Variants in CSF3R observed in about 807,000 individuals in gnomAD.
CSF3R encodes colony stimulating factor 3 receptor.
A neutral mutation model predicts 84.4 loss-of-function variants in CSF3R; 52 were observed. The ratio of observed to expected loss-of-function variants is 0.62; its 90% confidence interval spans 0.49 to 0.78. The LOEUF (loss-of-function observed/expected upper bound fraction) is 0.78, where lower values mean the gene tolerates loss of function less well. Ranked by LOEUF, CSF3R falls within the 30% of genes least tolerant of loss-of-function variation. CSF3R has a pLI of 0.00. For synonymous variants in CSF3R, 384 were observed against 429.1 expected (o/e 0.89, Z 1.30); for missense variants, 890 against 1,055.7 (o/e 0.84, Z 2.17).
chr1:36,470,607 C>G (rs144060134), intron 10 of CSF3R, among the ~76,000 whole-genome samples: 351 of 152,316 alleles, frequency 2.3e-3, no homozygotes, highest in African/African-American at 7.9e-3. Flanking sequence ...TGTCTAAGAT[C>G]ACACAGCTAG....
intron 1 of CSF3R, among the ~76,000 whole-genome samples, chr1:36,482,320 C>T (rs1028253009): frequency 2.0e-5 from 3 of 150,936 alleles, no homozygotes; most frequent in Admixed American, 6.6e-5. Context: ...GGGGGGCACT[C>T]GGAGGCCTGG....
chr1:36,473,357 CT>C, intron 6 of CSF3R, 77 bp downstream of exon 6: 9 of 1,525,832 alleles, frequency 5.9e-6, no homozygotes, highest in Non-Finnish European at 7.2e-6. Context: ...TTGTCTGTCG[CT>C]AGTTCTGTGT....
Position 36,472,085 on chromosome 1 carries a change from G to C in CSF3R, c.1052C>G (p.Thr351Arg). The C allele has an allele frequency of 6.2e-7, 1 of 1,613,674 alleles. No individual in the cohort carries two copies. The highest frequency in any genetic ancestry group is 8.5e-7 in the Non-Finnish European group (1 of 1,180,040). ...AGTCACCTTCCAGAACAGCTGCACT[G>C]TCCTGGGGTCCAGCTGCCTCTGCCG... ...WWRQRQLDPR[T>R]VQLFWKPVPL... is the part of the protein sequence containing the mutation. The change falls in exon 9 of 17, where the codon ACA becomes AGA. Residue 351 changes from threonine to arginine, a missense_variant. Transcript: ENST00000373106. This position sits in a 1 kb window ranked among gnomAD's most constrained non-coding sequence, Gnocchi z 5.0.
intron 12 of CSF3R, 57 bp downstream of exon 12, chr1:36,469,099 C>A (rs1457076790): frequency 3.8e-5 from 48 of 1,279,456 alleles, no homozygotes; most frequent in Non-Finnish European, 4.8e-5. Context: ...GGGGACCAGG[C>A]AGAGCCTTGG....
rs189911127 is a variant in CSF3R at position 36,467,741 on chromosome 1, C to A, written c.1864+81G>T. ...CGACCAGGGGATTCAAAGTCAGTCC[C>A]CAGCTACTCTCAAAATCAGCATCCT... On this transcript the variant is annotated intron_variant, in intron 14 of 16. Transcript: ENST00000373106. This position sits in a 1 kb window ranked among gnomAD's most constrained non-coding sequence, Gnocchi z 4.1. The A allele has an allele frequency of 2.9e-4, 472 of 1,613,304 alleles. 2 individuals are homozygous for A. The highest frequency in any genetic ancestry group is 3.1e-4 in the Non-Finnish European group (367 of 1,179,214).
Position 36,472,693 on chromosome 1 carries a change from G to A in CSF3R, c.674-7C>T, listed in dbSNP as rs1226066140. On this transcript the variant is annotated splice_polypyrimidine_tract_variant and splice_region_variant and intron_variant, in intron 6 of 16. Coordinates refer to ENST00000373106, the MANE Select transcript of CSF3R (RefSeq NM_000760.4). The surrounding 1 kb of genome is among the most constrained non-coding windows in gnomAD (Gnocchi z 5.0). ...ATGGGGGGCTCCAGTTTCACTGCAA[G>A]GAGTGGGGCTGTCAGAAGGTCTCCC... is the stretch of plus-strand genomic sequence containing the variant. The A allele has an allele frequency of 6.3e-7, 1 of 1,586,972 alleles. No individual in the cohort carries two copies.
chr1:36,475,453 A>G lies in CSF3R; in HGVS notation c.285T>C (p.Thr95=), dbSNP rs756242246. Reference sequence around the variant, plus strand: ...TCAGGCAGCAGGAGAGAAAGGCCTGAGTGTGGTTGAGGTGGGGCAGGGTGA... The same window carrying G: ...TCAGGCAGCAGGAGAGAAAGGCCTGGGTGTGGTTGAGGTGGGGCAGGGTGA... ...SIITLPHLNH[T]QAFLSCCLNW... is the part of the protein sequence containing the mutation. Residue 95 remains threonine, a synonymous_variant, in exon 4 of 17, where the codon ACT becomes ACC. Transcript: ENST00000373106. 6 of 1,614,006 alleles carry G rather than the reference A, an allele frequency of 3.7e-6. No individual in the cohort carries two copies. Among genetic ancestry groups the G allele is most frequent in the Non-Finnish European group, 5.1e-6 (6 of 1,180,024 alleles).
chr1:36,471,688 C>G, intron 9 of CSF3R, 42 bp from the exon 10 acceptor site: 1 of 1,601,162 alleles, frequency 6.2e-7, no homozygotes, highest in South Asian at 1.1e-5. Context: ...ATGTGCAGCT[C>G]ATCTTGAGTC....
Position 36,469,727 on chromosome 1 carries a change from G to T in CSF3R, c.1399C>A (p.Pro467Thr), listed in dbSNP as rs538923210. 5.0e-6 allele frequency: 8 copies of T among 1,614,182 alleles called. No homozygotes were observed. The Admixed American group carries it at 6.7e-5, about 13-fold the overall frequency. Residue 467 changes from proline (P) to threonine (T), a missense_variant, in exon 11 of 17, where the codon CCC (proline) becomes ACC (threonine). Transcript: ENST00000373106. ...QGYVIEWGLG[P>T]PSASNSNKTW... ...TTGTTGCTATTGCTCGCGCTGGGGG[G>T]GCCCAGGCCCCACTCAATCACATAG...
chr1:36,471,601 C>G lies in CSF3R; in HGVS notation c.1117G>C (p.Val373Leu), dbSNP rs1229194976. The G allele has an allele frequency of 2.5e-6, 4 of 1,614,230 alleles. No homozygotes were observed. Among genetic ancestry groups the G allele is most frequent in the Non-Finnish European group, 3.4e-6 (4 of 1,180,044 alleles). The change falls in exon 10 of 17, where the codon GTT becomes CTT. Residue 373 changes from valine (V) to leucine (L), a missense_variant. By Grantham distance (32) the Val-to-Leu change is conservative (BLOSUM62 1). Transcript: ENST00000373106. ...GCCTGGCCTGAGGGTCTCCAAGAAACCACATAACCTTGGATCCGTCCGCTG... is the reference window on the plus strand; with the variant it reads ...GCCTGGCCTGAGGGTCTCCAAGAAAGCACATAACCTTGGATCCGTCCGCTG... ...EDSGRIQGYV[V>L]SWRPSGQAGA...
At chr1:36,474,578 G>C (rs1256573419) in intron 4 of CSF3R, among the ~76,000 whole-genome samples, 1 of 152,028 alleles carries the variant, frequency 6.6e-6, no homozygotes, top group East Asian at 1.9e-4. Context: ...GGCTCCCAAA[G>C]TGCTGGGATT....
At chr1:36,479,576 T>G (rs1166947289) in intron 2 of CSF3R, 60 bp from the exon 3 acceptor site, 18 of 1,339,118 alleles carry the variant, frequency 1.3e-5, no homozygotes, top group Non-Finnish European at 1.8e-5. Flanking sequence ...ATCTTAATCC[T>G]TGTCTGTCAC....
chr1:36,467,709 C>T lies in CSF3R; in HGVS notation c.1865-58G>A. On this transcript the variant is annotated intron_variant, in intron 14 of 16. Coordinates refer to ENST00000373106, the MANE Select transcript of CSF3R (RefSeq NM_000760.4). The surrounding 1 kb of genome is among the most constrained non-coding windows in gnomAD (Gnocchi z 4.1). The stretch of plus-strand genomic sequence containing the variant: ...ATGCATGTTGGGAAGGCTGGGTCTC[C>T]TCCCTCCGACCAGGGGATTCAAAGT... The T allele has an allele frequency of 1.2e-6, 2 of 1,610,994 alleles. No homozygotes were observed. The highest frequency in any genetic ancestry group is 1.7e-6 in the Non-Finnish European group (2 of 1,177,150).
At position 36,468,411 on chromosome 1, in the gene CSF3R, AT is replaced by A. The variant is rs529801177; in HGVS notation, c.1577-191del. The A allele has an allele frequency of 5.4e-5, 30 of 552,390 alleles. No homozygotes were observed. In the East Asian group the frequency reaches 7.5e-4, roughly 14 times the overall value. 34.2% of individuals were successfully genotyped at this position (552,390 alleles called of 1,614,324 possible). ...ACTGCTAATAAGTGTCTGAGCCAGG[AT>A]TTGAACCTGGCTCTGCTTGACTCTA... On this transcript the variant is annotated intron_variant, in intron 12 of 16. Coordinates refer to ENST00000373106, the MANE Select transcript of CSF3R (RefSeq NM_000760.4).
Position 36,473,420 on chromosome 1 carries a change from C to T in CSF3R, c.673+15G>A. The T allele has an allele frequency of 6.2e-7, 1 of 1,613,156 alleles. No homozygotes were observed. ...GCCCATTTTGGGGATCCCCTCCCTC[C>T]CCTGCATCACCCACCAACATCCATG... On this transcript the variant is annotated intron_variant, in intron 6 of 16. Coordinates refer to ENST00000373106, the MANE Select transcript of CSF3R (RefSeq NM_000760.4).
At chr1:36,481,045 A>G (rs1278637679) in intron 2 of CSF3R, among the ~76,000 whole-genome samples, 1 of 152,160 alleles carries the variant, frequency 6.6e-6, no homozygotes, top group African/African-American at 2.4e-5. Flanking sequence ...TTACTATAGC[A>G]TACCAGTTTG....
intron 10 of CSF3R, 94 bp downstream of exon 10, chr1:36,471,339 G>A (rs571587721): frequency 1.6e-5 from 20 of 1,267,592 alleles, no homozygotes; most frequent in South Asian, 7.2e-5. Context: ...GAGCCACTGC[G>A]CCCGGCCAAT....
chr1:36,466,670 G>C lies in CSF3R; in HGVS notation c.2198C>G (p.Pro733Arg). 6.2e-7 allele frequency: 1 copy of C among 1,614,164 alleles called. No individual in the cohort carries two copies. The highest frequency in any genetic ancestry group is 8.5e-7 in the Non-Finnish European group (1 of 1,180,030). ...TTGGGGCTGGGTGGAAACTGCTCTT[G>C]GGTCCCCCTGGAGCACATAGGTCTG... ...LVQTYVLQGD[P>R]RAVSTQPQSQ... Residue 733 changes from proline (P) to arginine (R), a missense_variant, in exon 17 of 17, where the codon CCA becomes CGA. Physicochemically the swap from Pro to Arg is moderately radical, Grantham distance 103. Coordinates refer to ENST00000373106, the MANE Select transcript of CSF3R (RefSeq NM_000760.4). This position sits in a 1 kb window ranked among gnomAD's most constrained non-coding sequence, Gnocchi z 4.6.
rs776379864 is a variant in CSF3R at position 36,471,456 on chromosome 1, G to T, written c.1262C>A (p.Pro421Gln). 5 of 1,614,014 alleles carry T rather than the reference G, an allele frequency of 3.1e-6. No homozygotes were observed. The highest frequency in any genetic ancestry group is 3.4e-6 in the Non-Finnish European group (4 of 1,179,992). The stretch of plus-strand genomic sequence containing the variant: ...ACCTCTGCTTTCTGAGAAGACCACC[G>T]GAGTGGGACGAGAGGTCCCGGCTGA... Reference protein sequence around the residue: ...YNSAGTSRPTPVVFSESRGPA... With the variant: ...YNSAGTSRPTQVVFSESRGPA... Residue 421 changes from proline to glutamine, a missense_variant, in exon 10 of 17, where the codon CCG becomes CAG. Pro to Gln is a moderately conservative substitution (Grantham distance 76, BLOSUM62 -1). Coordinates refer to ENST00000373106, the MANE Select transcript of CSF3R (RefSeq NM_000760.4).
Sources: allele counts gnomAD v4.1 joint callset (sites outside exome capture counted in the v4.1 genomes callset), GRCh38; gene constraint gnomAD v4.1.1; non-coding constraint Gnocchi (gnomAD v3.1); transcripts MANE v1.5; gene names NCBI Gene and HGNC (gene_info 2026-07-23, HGNC 2026-07-21).